LIPA: variants seen among roughly 807,000 people sequenced by gnomAD.
LIPA encodes the protein lysosomal acid lipase/cholesteryl ester hydrolase.
LIPA carries 26 observed loss-of-function variants against 40.6 expected under a neutral mutation model. That is an observed-to-expected ratio of 0.64 (90% confidence interval 0.47 to 0.89). The LOEUF (loss-of-function observed/expected upper bound fraction) is 0.89. Ranked by LOEUF, LIPA falls within the 40% of genes least tolerant of loss-of-function variation. The probability of loss-of-function intolerance (pLI) is 0.00; values close to 1 mark genes in which losing one functional copy is unlikely to be tolerated. For missense variants in LIPA, 455 were observed against 479.6 expected, an observed-to-expected ratio of 0.95 and a Z score of 0.48; for synonymous variants, 188 against 168.4, an observed-to-expected ratio of 1.12 and a Z score of -0.90.
intron 1 of LIPA, among the ~76,000 whole-genome samples, chr10:89,278,779 A>C (rs1843301935): frequency 1.3e-5 from 2 of 151,854 alleles, no homozygotes. Context: ...CAAAATATAT[A>C]TTACTTACAT....
chr10:89,339,750 C>T (rs1843824848), intron 1 of LIPA: 1 of 1,614,170 alleles, frequency 6.2e-7, no homozygotes, highest in Middle Eastern at 1.6e-4. Context: ...AGCGCTACTG[C>T]AACCTTCAGA....
At chr10:89,332,492 C>T in intron 1 of LIPA, 2 of 1,563,160 alleles carry the variant, frequency 1.3e-6, no homozygotes. Flanking sequence ...ACTTTCCTTT[C>T]CCCTTTCATA....
intron 7 of LIPA, among the ~76,000 whole-genome samples, chr10:89,223,392 A>C (rs1422734807): frequency 1.3e-5 from 2 of 152,196 alleles, no homozygotes; most frequent in African/African-American, 4.8e-5. Flanking sequence ...GATTTCTAAA[A>C]GAAACAAATC....
intron 1 of LIPA, among the ~76,000 whole-genome samples, chr10:89,293,106 G>C (rs541076711): frequency 6.6e-6 from 1 of 152,226 alleles, no homozygotes; most frequent in South Asian, 2.1e-4. Flanking sequence ...CATAGGGGTG[G>C]TTTCCCCCAT....
intron 2 of LIPA, among the ~76,000 whole-genome samples, chr10:89,375,911 G>A (rs1362753956): frequency 6.6e-6 from 1 of 152,116 alleles, no homozygotes; most frequent in Non-Finnish European, 1.5e-5. Flanking sequence ...AGACGGGCCA[G>A]GTGCAGTGGC....
rs776263317 is a variant in LIPA at position 89,307,177 on chromosome 10, G to A, written c.-2+35434C>T. On this transcript the variant is annotated intron_variant, in intron 1 of 5. Coordinates refer to the LIPA transcript ENST00000282673. ...TAAAAATAAACCAGAAATCAAGGGA[G>A]AAAGAAAAGATGAAAGACAAACTGC... The A allele has an allele frequency of 4.8e-5, 77 of 1,613,864 alleles. No homozygotes were observed. The South Asian group carries it at 8.2e-4, about 17-fold the overall frequency.
rs2133436811 is a variant in LIPA at position 89,228,379 on chromosome 10, G to A, written c.249C>T (p.Phe83=). 1 of 1,614,192 alleles carries A rather than the reference G, an allele frequency of 6.2e-7. No individual in the cohort carries two copies. The highest frequency in any genetic ancestry group is 8.5e-7 in the Non-Finnish European group (1 of 1,180,018). ...AATCTGCCAGCAAGCCATGTTGCAG[G>A]AAGACAACTGGTTTGGGACCTGAAA... The part of the protein sequence containing the change: ...HSDKGPKPVV[F]LQHGLLADSS... Residue 83 remains phenylalanine (F), a synonymous_variant, in exon 4 of 10, where the codon TTC becomes TTT. Coordinates refer to ENST00000336233, the MANE Select transcript of LIPA (RefSeq NM_000235.4).
intron 4 of LIPA, 124 bp downstream of exon 4, chr10:89,228,076 A>T: frequency 1.3e-6 from 1 of 797,268 alleles, no homozygotes; most frequent in East Asian, 2.6e-5. Flanking sequence ...CTTTCAAAAG[A>T]CACTAACTTC....
At chr10:89,402,244 C>G in intron 2 of LIPA, 1 of 1,384,012 alleles carries the variant, frequency 7.2e-7, no homozygotes. Context: ...TTAGCTGTTC[C>G]TCACCTAACA....
intron 2 of LIPA, among the ~76,000 whole-genome samples, chr10:89,380,435 CTT>C (rs58504474): frequency 5.0e-4 from 71 of 140,826 alleles, no homozygotes; most frequent in Middle Eastern, 3.7e-3. Flanking sequence ...ACAAACTCAT[CTT>C]TTTTTTTTTT....
intron 1 of LIPA, among the ~76,000 whole-genome samples, chr10:89,291,782 C>A (rs1027048593): frequency 4.6e-5 from 7 of 152,182 alleles, no homozygotes; most frequent in African/African-American, 1.4e-4. Context: ...ATGATCCTTC[C>A]AAATTAGTGT....
chr10:89,382,119 AT>A (rs1242122943), intron 2 of LIPA, among the ~76,000 whole-genome samples: 1 of 152,018 alleles, frequency 6.6e-6, no homozygotes, highest in African/African-American at 2.4e-5. Flanking sequence ...TTCATCATCC[AT>A]TTTTTGTGAT....
At chr10:89,224,138 A>G (rs575769310) in intron 6 of LIPA, among the ~76,000 whole-genome samples, 2 of 152,228 alleles carry the variant, frequency 1.3e-5, no homozygotes, top group Admixed American at 6.5e-5. Flanking sequence ...GCCATCCCCA[A>G]GTAATTTTCA....
intron 2 of LIPA, among the ~76,000 whole-genome samples, chr10:89,355,763 T>C (rs891032604): frequency 2.0e-5 from 3 of 152,222 alleles, no homozygotes; most frequent in African/African-American, 7.2e-5. Context: ...CTGCTCATTA[T>C]ATGCTAATTA....
chr10:89,318,741 C>G (rs1417558464), intron 1 of LIPA, among the ~76,000 whole-genome samples: 3 of 152,204 alleles, frequency 2.0e-5, no homozygotes, highest in Non-Finnish European at 4.4e-5. Flanking sequence ...ACTCTCCACC[C>G]CAAATCAACA....
At chr10:89,342,678 T>A (rs1209825935) in exon 1 of LIPA, 1 of 152,152 alleles carries the variant, frequency 6.6e-6, no homozygotes, top group African/African-American at 2.4e-5. Flanking sequence ...ACAGCTCAGT[T>A]TCGTGTTTTC....
chr10:89,268,286 T>C (rs2133491013), intron 1 of LIPA, among the ~76,000 whole-genome samples: 3 of 152,362 alleles, frequency 2.0e-5, no homozygotes, highest in Admixed American at 2.0e-4. Context: ...AGTTCTCTTC[T>C]GTAAAATAGA....
intron 2 of LIPA, among the ~76,000 whole-genome samples, chr10:89,355,451 A>T (rs574136063): frequency 6.6e-6 from 1 of 152,394 alleles, no homozygotes; most frequent in Non-Finnish European, 1.5e-5. Context: ...CAATCCCCTT[A>T]TGAGAAATAA....
chr10:89,392,781 C>CCAT, intron 2 of LIPA: 1 of 1,531,572 alleles, frequency 6.5e-7, no homozygotes, highest in Non-Finnish European at 9.0e-7. Context: ...TAATTAAATA[C>CCAT]TATTTCAACA....
Sources: allele counts gnomAD v4.1 joint callset (sites outside exome capture counted in the v4.1 genomes callset), GRCh38; gene constraint gnomAD v4.1.1; transcripts MANE v1.5; gene names NCBI Gene and HGNC (gene_info 2026-07-23, HGNC 2026-07-21).